The following SERPINA9 variants were observed in gnomAD, a reference collection of about 807,000 sequenced individuals.
SERPINA9 encodes serpin family A member 9.
In SERPINA9, 32 loss-of-function variants were observed where a neutral mutation model predicts 24.5. The observed-to-expected ratio is 1.30, with a 90% CI of 0.98 to 1.75. The LOEUF is 1.75. Ranked by LOEUF, SERPINA9 falls within the 40% of genes most tolerant of loss-of-function variation. SERPINA9 has a pLI of 0.00. For missense variants in SERPINA9, 594 were observed against 497.1 expected, an observed-to-expected ratio of 1.19 and a Z score of -1.85; for synonymous variants, 233 against 197.7, an observed-to-expected ratio of 1.18 and a Z score of -1.50.
At position 94,469,869 on chromosome 14, in the gene SERPINA9, G is replaced by GT. The variant is rs758992408; in HGVS notation, c.-17-13dup. 1.5e-5 allele frequency: 22 copies of GT among 1,506,124 alleles called. No individual in the cohort carries two copies. The African/African-American group carries it at 2.5e-4, about 17-fold the overall frequency. The allele number at this position is 1,506,124 out of a possible 1,614,324, so 93.3% of individuals were successfully genotyped here. ...GGAACAAAATATGTCTGCAAGAGAA[G>GT]TAAGAACCATTGAGGGGGTAAACTG... On this transcript the variant is annotated splice_polypyrimidine_tract_variant and intron_variant, in intron 1 of 4. Coordinates refer to ENST00000674397, the MANE Select transcript of SERPINA9 (RefSeq NM_175739.4).
At chr14:94,464,910 C>A in intron 3 of SERPINA9, 56 bp from the exon 4 acceptor site, 2 of 1,466,018 alleles carry the variant, frequency 1.4e-6, no homozygotes, top group Non-Finnish European at 1.9e-6. Context: ...GTCTGCATCT[C>A]TGCTCCTAGA....
intron 4 of SERPINA9, 179 bp downstream of exon 4, chr14:94,464,527 AG>A (rs57209427): frequency 0.36 from 216,238 of 593,684 alleles, 42,072 homozygotes; most frequent in Non-Finnish European, 0.4. Context: ...GAGGGATAAC[AG>A]ATGCTGCATG....
intron 2 of SERPINA9, 51 bp downstream of exon 2, chr14:94,469,162 T>G: frequency 6.6e-7 from 1 of 1,524,988 alleles, no homozygotes; most frequent in Non-Finnish European, 8.9e-7. Context: ...GCAAAAATCA[T>G]CATCATCATC....
intron 1 of SERPINA9, among the ~76,000 whole-genome samples, chr14:94,472,496 G>C (rs972786215): frequency 6.6e-6 from 1 of 152,136 alleles, no homozygotes; most frequent in African/African-American, 2.4e-5. Flanking sequence ...CTGACCACAC[G>C]CGTGCCTTTA....
At chr14:94,463,324 G>A (rs550479673) in intron 4 of SERPINA9, 28 bp from the exon 5 acceptor site, 3 of 1,598,644 alleles carry the variant, frequency 1.9e-6, no homozygotes, top group East Asian at 2.2e-5. Context: ...AACATCAGTG[G>A]CCCTAGTGGA....
chr14:94,463,019 A>T lies in SERPINA9; in HGVS notation c.*74T>A, dbSNP rs1898811941. The T allele has an allele frequency of 7.6e-7, 1 of 1,320,600 alleles. No individual in the cohort carries two copies. The highest frequency in any genetic ancestry group is 2.3e-5 in the East Asian group (1 of 43,540). 81.8% of individuals were successfully genotyped at this position (1,320,600 alleles called of 1,614,324 possible). A position where few individuals can be genotyped will look rare whatever the true frequency, so the allele number is the denominator to read the frequency against. ...CCACTGGGGTCAAATGCACCCTCAG[A>T]ACAGAAAGAGGGATGTGGTTTGTTA... On this transcript the variant is annotated 3_prime_UTR_variant, in exon 5 of 5. Coordinates refer to ENST00000674397, the MANE Select transcript of SERPINA9 (RefSeq NM_175739.4).
rs769479968 is a variant in SERPINA9, at chr14:94,469,552, C to T, written c.289G>A (p.Gly97Ser). ...GTGTGTGTGAGGTTGAAGCCCAGGC[C>T]CTGGAGAATCTGGGTCTTGGTGACT... ...HSVTKTQILQ[G>S]LGFNLTHTPE... The change falls in exon 2 of 5, where the codon GGC becomes AGC. Residue 97 changes from glycine (G) to serine (S), a missense_variant. Gly to Ser is a moderately conservative substitution (Grantham distance 56). Coordinates refer to ENST00000674397, the MANE Select transcript of SERPINA9 (RefSeq NM_175739.4). 10 of 1,613,948 alleles carry T rather than the reference C, an allele frequency of 6.2e-6. No homozygotes were observed. The highest frequency in any genetic ancestry group is 2.2e-5 in the East Asian group (1 of 44,888).
Position 94,469,372 on chromosome 14 carries a change from C to T in SERPINA9, c.469G>A (p.Glu157Lys). Residue 157 changes from glutamate (E) to lysine (K), a missense_variant, in exon 2 of 5, where the codon GAA (glutamate) becomes AAA (lysine). Physicochemically the swap from Glu to Lys is moderately conservative, Grantham distance 56. Coordinates refer to ENST00000674397, the MANE Select transcript of SERPINA9 (RefSeq NM_175739.4). Reference sequence around the variant, plus strand: ...AAATCTGTAGAAAAGACTTCTGCTTCATACAGCCTCTTGACATTGCCCAAG... The same window carrying T: ...AAATCTGTAGAAAAGACTTCTGCTTTATACAGCCTCTTGACATTGCCCAAG... ...NFLGNVKRLY[E>K]AEVFSTDFSN... The T allele has an allele frequency of 2.5e-6, 4 of 1,614,236 alleles. No homozygotes were observed. Among genetic ancestry groups the T allele is most frequent in the Non-Finnish European group, 3.4e-6 (4 of 1,180,046 alleles).
chr14:94,474,157 G>A (rs1257813823), intron 1 of SERPINA9, among the ~76,000 whole-genome samples: 1 of 152,252 alleles, frequency 6.6e-6, no homozygotes, highest in African/African-American at 2.4e-5. Flanking sequence ...GCGCCAGGAT[G>A]CCACAAGCAC....
chr14:94,467,052 T>A, intron 3 of SERPINA9, 57 bp downstream of exon 3: 1 of 1,560,292 alleles, frequency 6.4e-7, no homozygotes, highest in South Asian at 1.2e-5. Flanking sequence ...CTCTCCCTCA[T>A]CTTTGAATGT....
At chr14:94,467,040 A>G in intron 3 of SERPINA9, 69 bp downstream of exon 3, 22 of 1,523,442 alleles carry the variant, frequency 1.4e-5, no homozygotes, top group Middle Eastern at 2.3e-4. Flanking sequence ...TGTTAGCACA[A>G]TCTCTCCCTC....
At chr14:94,469,914 A>G (rs780341129) in intron 1 of SERPINA9, 57 bp from the exon 2 acceptor site, 6 of 1,416,382 alleles carry the variant, frequency 4.2e-6, no homozygotes, top group Non-Finnish European at 4.7e-6. Context: ...GCCCTGAATC[A>G]GAGACCCTTT....
chr14:94,463,467 T>C (rs1394480302), intron 4 of SERPINA9, among the ~76,000 whole-genome samples, 171 bp from the exon 5 acceptor site: 2 of 152,210 alleles, frequency 1.3e-5, no homozygotes, highest in Non-Finnish European at 1.5e-5. Flanking sequence ...GTGTTGACTA[T>C]GGCCCATTGG....
chr14:94,476,064 C>T (rs1899633377), intron 1 of SERPINA9, 72 bp downstream of exon 1: 5 of 1,609,662 alleles, frequency 3.1e-6, no homozygotes, highest in Admixed American at 1.7e-5. Flanking sequence ...GAAGACCATG[C>T]TCTGATCCAG....
intron 2 of SERPINA9, among the ~76,000 whole-genome samples, chr14:94,468,020 A>G (rs1899101075): frequency 6.6e-6 from 1 of 151,110 alleles, no homozygotes; most frequent in African/African-American, 2.4e-5. Flanking sequence ...GGAGGGATGA[A>G]CAGGTTAATG....
chr14:94,468,597 A>C (rs1263684973), intron 2 of SERPINA9, among the ~76,000 whole-genome samples: 1 of 152,242 alleles, frequency 6.6e-6, no homozygotes, highest in Non-Finnish European at 1.5e-5. Flanking sequence ...TCATAGAGCA[A>C]GTATGGGGTA....
At chr14:94,471,132 G>A (rs74449032) in intron 1 of SERPINA9, among the ~76,000 whole-genome samples, 3,712 of 141,356 alleles carry the variant, frequency 0.026, 150 homozygotes, top group African/African-American at 0.094. Flanking sequence ...CACAAGCACA[G>A]TGCCTTCATA....
chr14:94,471,733 C>G (rs1348880561), intron 1 of SERPINA9, among the ~76,000 whole-genome samples: 1 of 148,438 alleles, frequency 6.7e-6, no homozygotes, highest in Admixed American at 7.0e-5. Flanking sequence ...CCCTGAGTGC[C>G]CCATCTCTCC....
chr14:94,464,289 CTCTCTCTCTCTCTCTCTCT>C (rs1898883171), intron 4 of SERPINA9: 2 of 209,244 alleles, frequency 9.6e-6, no homozygotes, highest in Admixed American at 5.8e-5. Context: ...CTCTCTCTCT[CTCTCTCTCTCTCTCTCTCT>C]CTCTCTCTCT....
Sources: allele counts gnomAD v4.1 joint callset (sites outside exome capture counted in the v4.1 genomes callset), GRCh38; gene constraint gnomAD v4.1.1; transcripts MANE v1.5; gene names NCBI Gene and HGNC (gene_info 2026-07-23, HGNC 2026-07-21).